The following SLC24A3 variants were observed in gnomAD, a reference collection of about 807,000 sequenced individuals.
SLC24A3 encodes the protein solute carrier family 24 member 3, also known as sodium/potassium/calcium exchanger 3.
A neutral mutation model predicts 75.8 loss-of-function variants in SLC24A3; 28 were observed. That is an observed-to-expected ratio of 0.37 (90% CI 0.27 to 0.51). SLC24A3 has a LOEUF of 0.51. Among genes scored for constraint, SLC24A3 ranks in the 20% least tolerant of loss-of-function variants. The probability of loss-of-function intolerance (pLI) is 0.94; values close to 1 mark genes in which losing one functional copy is unlikely to be tolerated. For synonymous variants in SLC24A3, 372 were observed against 334.1 expected, an observed-to-expected ratio of 1.11 and a Z score of -1.24; for missense variants, 663 against 847.8, an observed-to-expected ratio of 0.78 and a Z score of 2.71.
chr20:19,708,829 G>A (rs994869403), intron 15 of SLC24A3, among the ~76,000 whole-genome samples: 34 of 152,190 alleles, frequency 2.2e-4, no homozygotes, highest in African/African-American at 7.5e-4. Flanking sequence ...TGACCATTGT[G>A]TTTCAGGCTC....
chr20:19,603,941 C>T (rs1000209371), intron 6 of SLC24A3, among the ~76,000 whole-genome samples: 1 of 152,216 alleles, frequency 6.6e-6, no homozygotes, highest in East Asian at 1.9e-4. Context: ...GTAAGGGCTT[C>T]GAAAGGAAGC....
intron 1 of SLC24A3, among the ~76,000 whole-genome samples, chr20:19,277,197 G>C (rs187921350): frequency 1.4e-3 from 220 of 152,298 alleles, no homozygotes; most frequent in Non-Finnish European, 3.1e-4. Context: ...CTTGCTCACT[G>C]TGTGACCTTG....
At chr20:19,636,472 G>GA (rs2032004278) in intron 6 of SLC24A3, among the ~76,000 whole-genome samples, 1 of 152,046 alleles carries the variant, frequency 6.6e-6, no homozygotes, top group Non-Finnish European at 1.5e-5. Context: ...AACTGAGAGA[G>GA]AAAAAAGGGA....
intron 1 of SLC24A3, among the ~76,000 whole-genome samples, chr20:19,270,365 T>C (rs1215180345): frequency 1.3e-5 from 2 of 152,086 alleles, no homozygotes; most frequent in African/African-American, 4.8e-5. Context: ...GCATGCATGC[T>C]CTTTAGAGTT....
At chr20:19,677,686 CTTTTTTTTTTTTTT>C (rs796484728) in intron 9 of SLC24A3, among the ~76,000 whole-genome samples, 1 of 113,934 alleles carries the variant, frequency 8.8e-6, no homozygotes, top group Non-Finnish European at 1.8e-5. Flanking sequence ...TTTTTTTTTT[CTTTTTTTTTTTTTT>C]TTTTTTAATT....
chr20:19,613,017 C>T (rs185028509), intron 6 of SLC24A3, among the ~76,000 whole-genome samples: 140 of 152,296 alleles, frequency 9.2e-4, no homozygotes, highest in African/African-American at 3.1e-3. Context: ...TGTTCATGGA[C>T]ATCTGTGCCC....
chr20:19,569,200 G>A (rs1413884994), intron 3 of SLC24A3, among the ~76,000 whole-genome samples: 1 of 152,200 alleles, frequency 6.6e-6, no homozygotes, highest in African/African-American at 2.4e-5. Flanking sequence ...TGCCATATCA[G>A]TGTTCTTCTG....
At chr20:19,488,272 C>T (rs1214138777) in intron 2 of SLC24A3, among the ~76,000 whole-genome samples, 3 of 152,226 alleles carry the variant, frequency 2.0e-5, no homozygotes, top group Admixed American at 1.3e-4. Context: ...GGACTTGGCC[C>T]TCTCATCCCA....
intron 1 of SLC24A3, among the ~76,000 whole-genome samples, chr20:19,220,185 T>C (rs1392563310): frequency 2.0e-5 from 3 of 152,214 alleles, no homozygotes; most frequent in Non-Finnish European, 4.4e-5. Context: ...TAAACATCAC[T>C]TATTTAAATC....
chr20:19,356,012 G>A (rs1432085653), intron 2 of SLC24A3, among the ~76,000 whole-genome samples: 1 of 151,984 alleles, frequency 6.6e-6, no homozygotes, highest in Non-Finnish European at 1.5e-5. Flanking sequence ...GTCACCTAGG[G>A]GGTCTATAGA....
At chr20:19,626,968 C>T (rs1175295558) in intron 6 of SLC24A3, among the ~76,000 whole-genome samples, 1 of 152,216 alleles carries the variant, frequency 6.6e-6, no homozygotes, top group African/African-American at 2.4e-5. Context: ...TGGATTCCTG[C>T]TTCTAACTGA....
chr20:19,459,586 C>G (rs751061065), intron 2 of SLC24A3, among the ~76,000 whole-genome samples: 1 of 152,162 alleles, frequency 6.6e-6, no homozygotes, highest in Non-Finnish European at 1.5e-5. Context: ...TTCAATAGAA[C>G]CTTCATACTA....
At chr20:19,620,249 C>T (rs567640187) in intron 6 of SLC24A3, among the ~76,000 whole-genome samples, 11 of 152,252 alleles carry the variant, frequency 7.2e-5, no homozygotes, top group Admixed American at 2.0e-4. Context: ...TAAGATTAAA[C>T]GATTACTCTT....
At chr20:19,541,550 C>T (rs779952446) in intron 3 of SLC24A3, among the ~76,000 whole-genome samples, 27 of 152,282 alleles carry the variant, frequency 1.8e-4, no homozygotes, top group African/African-American at 5.3e-4. Context: ...GGCACCCCCG[C>T]GCCCTCCGCC....
intron 6 of SLC24A3, among the ~76,000 whole-genome samples, chr20:19,619,153 A>G (rs1251587589): frequency 6.6e-6 from 1 of 152,206 alleles, no homozygotes; most frequent in Non-Finnish European, 1.5e-5. Context: ...CAGCTCAGCA[A>G]TTCCCTTACA....
chr20:19,323,692 T>C (rs954211235), intron 2 of SLC24A3, among the ~76,000 whole-genome samples: 1 of 152,122 alleles, frequency 6.6e-6, no homozygotes, highest in Non-Finnish European at 1.5e-5. Flanking sequence ...AGGGGGACTT[T>C]AGCTACTATT....
chr20:19,428,753 T>A (rs1987054304), intron 2 of SLC24A3, among the ~76,000 whole-genome samples: 1 of 151,530 alleles, frequency 6.6e-6, no homozygotes, highest in East Asian at 2.0e-4. Flanking sequence ...TTGGGTACGT[T>A]GCAGCTTCCT....
chr20:19,306,286 T>A (rs2122253402), intron 2 of SLC24A3, among the ~76,000 whole-genome samples: 1 of 152,324 alleles, frequency 6.6e-6, no homozygotes, highest in South Asian at 2.1e-4. Context: ...GAAATGTAAA[T>A]TACATCAGCC....
intron 1 of SLC24A3, among the ~76,000 whole-genome samples, chr20:19,224,219 G>A (rs1981814846): frequency 6.6e-6 from 1 of 152,022 alleles, no homozygotes; most frequent in African/African-American, 2.4e-5. Context: ...TCAAGATACT[G>A]TACAGATCCA....
Sources: gnomAD v4.1 joint callset for allele counts (sites outside exome capture counted in the v4.1 genomes callset) on GRCh38, gnomAD v4.1.1 for gene constraint, MANE v1.5 for transcripts, NCBI Gene and HGNC (gene_info 2026-07-23, HGNC 2026-07-21) for gene names.